Variants in SCAPER observed in about 807,000 individuals in gnomAD.
The protein encoded by SCAPER is S phase cyclin A-associated protein in the endoplasmic reticulum.
SCAPER carries 98 observed loss-of-function variants against 182.2 expected under a neutral mutation model. The ratio of observed to expected loss-of-function variants is 0.54; its 90% CI spans 0.46 to 0.64. The LOEUF (loss-of-function observed/expected upper bound fraction) is 0.64, where lower values mean the gene tolerates loss of function less well. SCAPER is among the 30% of genes least tolerant of loss of function. The pLI, the probability that SCAPER is intolerant of heterozygous loss-of-function variation, is 0.00. For missense variants in SCAPER, 1,432 were observed against 1,690.0 expected, an observed-to-expected ratio of 0.85 and a Z score of 2.68; for synonymous variants, 605 against 564.6, an observed-to-expected ratio of 1.07 and a Z score of -1.01.
chr15:76,899,885 G>A lies in SCAPER; in HGVS notation c.-60+5414C>T, dbSNP rs546205061. ...GAGAACGGGCCATGATGACGATGGC[G>A]GTTTTGTCGAAAAGAAAAGGGGGAA... On this transcript the variant is annotated intron_variant, in intron 1 of 31. Transcript: ENST00000563290. 1.4e-4 allele frequency among the ~76,000 whole-genome samples: 22 copies of A among 152,286 alleles called. No individual in the cohort carries two copies. The East Asian group carries it at 3.5e-3, about 24-fold the overall frequency.
chr15:76,736,523 T>C (rs576886119), intron 15 of SCAPER: 1 of 152,408 alleles, frequency 6.6e-6, no homozygotes, highest in Admixed American at 6.5e-5. Flanking sequence ...GCTTTATCAA[T>C]TAATTTTATG....
At chr15:76,355,293 G>A (rs2040877429) in intron 29 of SCAPER, among the ~76,000 whole-genome samples, 1 of 152,200 alleles carries the variant, frequency 6.6e-6, no homozygotes, top group African/African-American at 2.4e-5. Flanking sequence ...AAAGCCTTTA[G>A]AGACTGTTGA....
rs1417576635 is a variant in SCAPER, at chr15:76,728,585, A to C, written c.2165+10T>G. The C allele has an allele frequency of 3.1e-6, 5 of 1,613,062 alleles. No individual in the cohort carries two copies. The highest frequency in any genetic ancestry group is 3.3e-5 in the Admixed American group (2 of 59,894). On this transcript the variant is annotated intron_variant, in intron 17 of 31. Coordinates refer to ENST00000563290, the MANE Select transcript of SCAPER (RefSeq NM_020843.4). ...GTGCAAAATGTTCATCAAGATAGCA[A>C]ATGAGATACCTAGCTCTTTCCCGGG...
chr15:76,680,411 G>GATGATGATGATGATA (rs1032738002), intron 20 of SCAPER, among the ~76,000 whole-genome samples: 2 of 142,592 alleles, frequency 1.4e-5, no homozygotes, highest in African/African-American at 5.2e-5. Flanking sequence ...TGATGATGAT[G>GATGATGATGATGATA]ATAATAATAA....
chr15:76,663,756 A>G (rs2056367833), intron 21 of SCAPER, among the ~76,000 whole-genome samples: 1 of 152,104 alleles, frequency 6.6e-6, no homozygotes, highest in Non-Finnish European at 1.5e-5. Context: ...GGAAATGAAA[A>G]TGTTCTATAT....
chr15:76,901,782 C>T lies in SCAPER; in HGVS notation c.-60+3517G>A, dbSNP rs138953526. On this transcript the variant is annotated intron_variant, in intron 1 of 31. Coordinates refer to ENST00000563290, the MANE Select transcript of SCAPER (RefSeq NM_020843.4). ...TTGTTCAGGCTGCAGTGCAGTGGCA[C>T]GATCTCAGCTCACTGCAACCTCCAC... Among the ~76,000 whole-genome samples, 102 of 151,984 alleles carry T rather than the reference C, an allele frequency of 6.7e-4. 3 individuals are homozygous for T. The East Asian group carries it at 0.018, about 27-fold the overall frequency.
At chr15:76,395,384 G>A (rs1703283241) in intron 27 of SCAPER, among the ~76,000 whole-genome samples, 1 of 152,128 alleles carries the variant, frequency 6.6e-6, no homozygotes, top group Non-Finnish European at 1.5e-5. Flanking sequence ...TTGCTGGATT[G>A]TATGGTAGCT....
At chr15:76,658,233 A>C (rs1315074793) in intron 21 of SCAPER, among the ~76,000 whole-genome samples, 1 of 152,168 alleles carries the variant, frequency 6.6e-6, no homozygotes, top group African/African-American at 2.4e-5. Context: ...ATATAAAATC[A>C]ATGTACAAAA....
intron 5 of SCAPER, among the ~76,000 whole-genome samples, chr15:76,814,132 C>T (rs1045516632): frequency 2.0e-5 from 3 of 152,002 alleles, no homozygotes; most frequent in Non-Finnish European, 2.9e-5. Context: ...TACGCCACCG[C>T]GCTCCAGCCT....
intron 21 of SCAPER, among the ~76,000 whole-genome samples, chr15:76,652,371 C>CACACACAT (rs764864981): frequency 2.5e-4 from 2 of 8,064 alleles, no homozygotes; most frequent in South Asian, 7.7e-3. Flanking sequence ...CACACACACA[C>CACACACAT]ATATATATAT....
intron 25 of SCAPER, among the ~76,000 whole-genome samples, chr15:76,462,547 T>C (rs1283760930): frequency 6.6e-6 from 1 of 152,214 alleles, no homozygotes; most frequent in Non-Finnish European, 1.5e-5. Flanking sequence ...ATTGTTTTAC[T>C]GAAACCTTTT....
At chr15:76,715,031 T>C (rs1377514320) in intron 17 of SCAPER, among the ~76,000 whole-genome samples, 1 of 152,082 alleles carries the variant, frequency 6.6e-6, no homozygotes, top group Non-Finnish European at 1.5e-5. Flanking sequence ...TGCTATACCC[T>C]ACCACAAACG....
At chr15:76,686,183 C>T (rs979932462) in intron 20 of SCAPER, among the ~76,000 whole-genome samples, 9 of 151,602 alleles carry the variant, frequency 5.9e-5, no homozygotes, top group African/African-American at 1.9e-4. Flanking sequence ...AAACTAGTAA[C>T]AATTTGTGAA....
intron 24 of SCAPER, among the ~76,000 whole-genome samples, chr15:76,473,445 G>A (rs914035140): frequency 1.3e-5 from 2 of 152,204 alleles, no homozygotes; most frequent in Non-Finnish European, 2.9e-5. Context: ...CAGATTCCTG[G>A]ATGTTTTGAA....
In SCAPER at chr15:76,875,367, G is replaced by A. The variant is rs184277528; in HGVS notation, c.6+8445C>T. Among the ~76,000 whole-genome samples, 9 of 152,324 alleles carry A rather than the reference G, an allele frequency of 5.9e-5. No individual in the cohort carries two copies. In the East Asian group the frequency reaches 1.5e-3, roughly 26 times the overall value. ...ATAAGCACACAAACGTAGGCCAGGCGTGGTGGCTCATGCCTGTAATCCCAG... is the reference window on the plus strand; with the variant it reads ...ATAAGCACACAAACGTAGGCCAGGCATGGTGGCTCATGCCTGTAATCCCAG... On this transcript the variant is annotated intron_variant, in intron 2 of 31. Coordinates refer to ENST00000563290, the MANE Select transcript of SCAPER (RefSeq NM_020843.4).
intron 21 of SCAPER, among the ~76,000 whole-genome samples, chr15:76,638,675 C>T (rs945416580): frequency 2.6e-5 from 4 of 151,988 alleles, no homozygotes; most frequent in African/African-American, 9.7e-5. Flanking sequence ...AATAGTCAAC[C>T]AATCTTATGT....
chr15:76,754,116 A>G (rs1409864453), intron 14 of SCAPER, among the ~76,000 whole-genome samples, 168 bp from the exon 15 acceptor site: 5 of 152,100 alleles, frequency 3.3e-5, no homozygotes, highest in African/African-American at 1.2e-4. Flanking sequence ...ACCTGAATTC[A>G]TAATCTACAT....
chr15:76,505,998 A>G (rs916794072), intron 23 of SCAPER, among the ~76,000 whole-genome samples: 1 of 152,226 alleles, frequency 6.6e-6, no homozygotes, highest in Non-Finnish European at 1.5e-5. Context: ...CAGGTGAAGT[A>G]AGACGAACTT....
intron 23 of SCAPER, among the ~76,000 whole-genome samples, chr15:76,531,649 G>GC (rs1470522080): frequency 2.0e-5 from 3 of 149,082 alleles, no homozygotes; most frequent in African/African-American, 7.7e-5. Flanking sequence ...GTAAATATAT[G>GC]TTAAAAAAAA....
Sources: allele counts gnomAD v4.1 joint callset (sites outside exome capture counted in the v4.1 genomes callset), GRCh38; gene constraint gnomAD v4.1.1; transcripts MANE v1.5; gene names NCBI Gene and HGNC (gene_info 2026-07-23, HGNC 2026-07-21).